The following SCG3 variants were observed in gnomAD, a reference collection of about 807,000 sequenced individuals.
SCG3 encodes the protein secretogranin-3.
Under a neutral mutation model 56.2 loss-of-function variants are expected in SCG3, and 38 were observed. That is an observed-to-expected ratio of 0.68 (90% confidence interval 0.52 to 0.89). SCG3 has a LOEUF of 0.89. Ranked by LOEUF, SCG3 falls within the 40% of genes least tolerant of loss-of-function variation. The probability of loss-of-function intolerance (pLI) is 0.00; values close to 1 mark genes in which losing one functional copy is unlikely to be tolerated. For missense variants in SCG3, 524 were observed against 540.7 expected, an observed-to-expected ratio of 0.97 and a Z score of 0.31; for synonymous variants, 176 against 184.2, an observed-to-expected ratio of 0.96 and a Z score of 0.36.
intron 10 of SCG3, among the ~76,000 whole-genome samples, chr15:51,702,289 C>T (rs781374496): frequency 2.6e-5 from 4 of 152,048 alleles, no homozygotes; most frequent in African/African-American, 4.8e-5. Flanking sequence ...TGGAGTCTCC[C>T]TCTGTTGCCC....
chr15:51,682,378 G>C (rs2055200396), intron 1 of SCG3, 139 bp from the exon 2 acceptor site: 2 of 498,826 alleles, frequency 4.0e-6, no homozygotes, highest in Non-Finnish European at 7.2e-6. Context: ...GATAATCTTT[G>C]TTAATATGCA....
intron 2 of SCG3, among the ~76,000 whole-genome samples, 170 bp downstream of exon 2, chr15:51,682,739 C>G (rs931976328): frequency 1.4e-4 from 21 of 152,126 alleles, no homozygotes; most frequent in African/African-American, 5.1e-4. Flanking sequence ...ATTCTATGCC[C>G]TAGCAGTTAT....
At chr15:51,716,546 C>T (rs1419945248) in intron 11 of SCG3, among the ~76,000 whole-genome samples, 1 of 152,222 alleles carries the variant, frequency 6.6e-6, no homozygotes, top group Non-Finnish European at 1.5e-5. Context: ...GAGCAAGTAA[C>T]TTACCCCCTT....
chr15:51,711,967 T>C (rs1262012473), intron 10 of SCG3, among the ~76,000 whole-genome samples: 3 of 152,168 alleles, frequency 2.0e-5, no homozygotes, highest in East Asian at 3.9e-4. Flanking sequence ...GTGCGGGCAA[T>C]TGGAACATGG....
chr15:51,686,716 T>C lies in SCG3; in HGVS notation c.398-1544T>C, dbSNP rs1567216031. Among the ~76,000 whole-genome samples, 3 of 146,352 alleles carry C rather than the reference T, an allele frequency of 2.0e-5. No individual in the cohort carries two copies. In the East Asian group the frequency reaches 7.0e-4, roughly 34 times the overall value. On this transcript the variant is annotated intron_variant, in intron 4 of 11. Transcript: ENST00000220478. ...GTTTGTTTGTTTGTATGTTTGTTTG[T>C]TTGTTTTTCTTAGGGGCTTTTCTGC...
At chr15:51,710,028 G>T (rs868426972) in intron 10 of SCG3, among the ~76,000 whole-genome samples, 1 of 150,896 alleles carries the variant, frequency 6.6e-6, no homozygotes, top group African/African-American at 2.4e-5. Context: ...GAGCCACCGC[G>T]CCCGGCCGGC....
rs75653485 is a variant in SCG3 at position 51,709,607 on chromosome 15, C to G, written c.1208-3726C>G. Among the ~76,000 whole-genome samples the G allele has an allele frequency of 2.2e-4, 25 of 115,242 alleles. 1 individual carries two copies. Among genetic ancestry groups the G allele is most frequent in the Non-Finnish European group, 9.8e-5 (6 of 60,966 alleles). The allele number at this position is 115,242 out of a possible 152,430, so 75.6% of individuals were successfully genotyped here. A position where few individuals can be genotyped will look rare whatever the true frequency, so the allele number is the denominator to read the frequency against. On this transcript the variant is annotated intron_variant, in intron 10 of 11. Coordinates refer to ENST00000220478, the MANE Select transcript of SCG3 (RefSeq NM_013243.4). ...GTTTAGAATCCATTAAATTTCAAGT[C>G]TCTCAAATAAATCATTCATTTTCAC...
chr15:51,708,783 C>A (rs1400965312), intron 10 of SCG3, among the ~76,000 whole-genome samples: 2 of 151,876 alleles, frequency 1.3e-5, no homozygotes, highest in Non-Finnish European at 2.9e-5. Flanking sequence ...GGCGTAAATC[C>A]GGGAGGCGGA....
intron 2 of SCG3, 104 bp from the exon 3 acceptor site, chr15:51,682,975 A>G (rs1215687217): frequency 3.4e-6 from 3 of 884,464 alleles, no homozygotes; most frequent in Non-Finnish European, 5.2e-6. Flanking sequence ...CATTTTACAA[A>G]CAAGACAATT....
intron 10 of SCG3, among the ~76,000 whole-genome samples, chr15:51,710,357 G>C (rs1339010348): frequency 6.6e-6 from 1 of 152,150 alleles, no homozygotes; most frequent in African/African-American, 2.4e-5. Context: ...AAATTAGGGA[G>C]ACTGTCCTAA....
intron 10 of SCG3, among the ~76,000 whole-genome samples, chr15:51,704,275 ATAT>A (rs1567220916): frequency 1.2e-3 from 168 of 134,534 alleles, no homozygotes; most frequent in African/African-American, 4.8e-3. Flanking sequence ...ATATATATAT[ATAT>A]AAAATAGCTC....
chr15:51,713,483 C>T (rs2055434046), intron 11 of SCG3, 70 bp downstream of exon 11: 1 of 1,064,758 alleles, frequency 9.4e-7, no homozygotes, highest in African/African-American at 1.6e-5. Context: ...TATAAAAATT[C>T]CCACAGTCAA....
chr15:51,714,286 T>G (rs2055439077), intron 11 of SCG3, among the ~76,000 whole-genome samples: 1 of 152,004 alleles, frequency 6.6e-6, no homozygotes, highest in Non-Finnish European at 1.5e-5. Context: ...GGGGCCTAAT[T>G]AGGTTAAGAG....
intron 1 of SCG3, 131 bp from the exon 2 acceptor site, chr15:51,682,386 G>T: frequency 1.9e-6 from 1 of 515,646 alleles, no homozygotes; most frequent in South Asian, 2.9e-5. Flanking sequence ...TTGTTAATAT[G>T]CATTTGTTTC....
intron 10 of SCG3, among the ~76,000 whole-genome samples, chr15:51,710,107 A>G (rs1410236861): frequency 6.6e-6 from 1 of 151,828 alleles, no homozygotes; most frequent in Non-Finnish European, 1.5e-5. Flanking sequence ...TTCTAATTGC[A>G]ATTTGGCTTC....
At chr15:51,687,936 T>C (rs1257577333) in intron 4 of SCG3, among the ~76,000 whole-genome samples, 1 of 152,190 alleles carries the variant, frequency 6.6e-6, no homozygotes, top group Non-Finnish European at 1.5e-5. Flanking sequence ...TATATAAATA[T>C]GGCATACTAT....
In SCG3 at chr15:51,719,711, A is replaced by G; in HGVS notation, c.*185A>G. The G allele has an allele frequency of 1.8e-6, 1 of 563,308 alleles. No individual in the cohort carries two copies. Among genetic ancestry groups the G allele is most frequent in the South Asian group, 2.4e-5 (1 of 42,052 alleles). The allele number at this position is 563,308 out of a possible 1,614,324, so 34.9% of individuals were successfully genotyped here. On this transcript the variant is annotated 3_prime_UTR_variant, in exon 12 of 12. Transcript: ENST00000220478. ...CTTCCCGTAAAAACTATCTGAAAGTAAAGTTGTATGTAAGCTGAGATTTTG... is the reference window on the plus strand; with the variant it reads ...CTTCCCGTAAAAACTATCTGAAAGTGAAGTTGTATGTAAGCTGAGATTTTG...
intron 10 of SCG3, 159 bp from the exon 11 acceptor site, chr15:51,713,174 C>A (rs2141581589): frequency 3.9e-6 from 2 of 512,850 alleles, no homozygotes; most frequent in East Asian, 3.9e-5. Context: ...CACAAACACA[C>A]ATAGACACAT....
At chr15:51,694,648 G>A (rs1248208587) in intron 7 of SCG3, among the ~76,000 whole-genome samples, 1 of 151,702 alleles carries the variant, frequency 6.6e-6, no homozygotes, top group Non-Finnish European at 1.5e-5. Flanking sequence ...TTTTTTTTCT[G>A]ATTTTAGAAT....
Sources: allele counts gnomAD v4.1 joint callset (sites outside exome capture counted in the v4.1 genomes callset), GRCh38; gene constraint gnomAD v4.1.1; transcripts MANE v1.5; gene names NCBI Gene and HGNC (gene_info 2026-07-23, HGNC 2026-07-21).